Variants in LRP5 observed in about 807,000 individuals in gnomAD.
The protein encoded by LRP5 is LDL receptor related protein 5, also known as low-density lipoprotein receptor-related protein 5.
Under a neutral mutation model 154.1 loss-of-function variants are expected in LRP5, and 62 were observed. The observed-to-expected ratio is 0.40, with a 90% CI of 0.33 to 0.50. LRP5 has a LOEUF of 0.50. Among genes scored for constraint, LRP5 ranks in the 20% least tolerant of loss-of-function variants. The pLI, the probability that LRP5 is intolerant of heterozygous loss-of-function variation, is 0.55. For synonymous variants in LRP5, 966 were observed against 1,011.5 expected (o/e 0.96, Z 0.85); for missense variants, 1,915 against 2,336.7 (o/e 0.82, Z 3.72).
intron 16 of LRP5, among the ~76,000 whole-genome samples, chr11:68,426,799 T>C (rs1458662601): frequency 1.3e-5 from 2 of 152,168 alleles, no homozygotes; most frequent in African/African-American, 4.8e-5. Context: ...CTGCTCAGGG[T>C]CTCACGGGGC....
chr11:68,339,544 C>T (rs1242927840), intron 1 of LRP5, among the ~76,000 whole-genome samples: 1 of 152,058 alleles, frequency 6.6e-6, no homozygotes, highest in Non-Finnish European at 1.5e-5. Context: ...GATGGGGTTT[C>T]ACCGTGTTGG....
chr11:68,363,701 G>A (rs767440949), intron 3 of LRP5, 46 bp from the exon 4 acceptor site: 10 of 1,501,492 alleles, frequency 6.7e-6, no homozygotes, highest in East Asian at 4.6e-5. Context: ...AATGACTGTC[G>A]GGGGACCCTC....
Position 68,347,898 on chromosome 11 carries a change from C to G in LRP5, c.143C>G (p.Ala48Gly), listed in dbSNP as rs2098614549. 9 of 1,613,152 alleles carry G rather than the reference C, an allele frequency of 5.6e-6. No individual in the cohort carries two copies. Among genetic ancestry groups the G allele is most frequent in the Non-Finnish European group, 7.6e-6 (9 of 1,180,048 alleles). ...CGCCGGGACGTACGGCTGGTGGACGCCGGCGGAGTCAAGCTGGAGTCCACC... is the reference window on the plus strand; with the variant it reads ...CGCCGGGACGTACGGCTGGTGGACGGCGGCGGAGTCAAGCTGGAGTCCACC... Reference protein sequence around the residue: ...ANRRDVRLVDAGGVKLESTIV... With the variant: ...ANRRDVRLVDGGGVKLESTIV... Residue 48 changes from alanine (A) to glycine (G), a missense_variant, in exon 2 of 23, where the codon GCC (alanine) becomes GGC (glycine). Around this residue, in one of 3 missense-constraint regions of LRP5, gnomAD observed 773 missense variants for 1,100.9 expected, o/e 0.70. Transcript: ENST00000294304.
upstream of LRP5, among the ~76,000 whole-genome samples, chr11:68,312,377 C>A (rs2098588621): frequency 6.6e-6 from 1 of 151,510 alleles, no homozygotes; most frequent in African/African-American, 2.4e-5. Flanking sequence ...GGGCGGAAAC[C>A]CCGCGCCAAG....
chr11:68,318,417 G>A (rs2098594728), intron 1 of LRP5, among the ~76,000 whole-genome samples: 1 of 149,632 alleles, frequency 6.7e-6, no homozygotes, highest in African/African-American at 2.5e-5. Flanking sequence ...ACCGCTTACT[G>A]CAGCCTCTAC....
At chr11:68,377,502 A>G (rs2098638022) in intron 5 of LRP5, among the ~76,000 whole-genome samples, 1 of 152,146 alleles carries the variant, frequency 6.6e-6, no homozygotes, top group Non-Finnish European at 1.5e-5. Context: ...TTGTGACCCT[A>G]TGGTCACTTG....
At chr11:68,320,180 AGCATACATACAT>A (rs2098595942) in intron 1 of LRP5, among the ~76,000 whole-genome samples, 1 of 152,138 alleles carries the variant, frequency 6.6e-6, no homozygotes. Context: ...CATACATACA[AGCATACATACAT>A]ACATAACTCC....
At chr11:68,397,948 T>G (rs1411156889) in intron 7 of LRP5, among the ~76,000 whole-genome samples, 1 of 114,642 alleles carries the variant, frequency 8.7e-6, no homozygotes, top group East Asian at 2.5e-4. Flanking sequence ...TCCCTGGGCT[T>G]TGGCACTGCA....
intron 21 of LRP5, among the ~76,000 whole-genome samples, chr11:68,444,100 G>A (rs1018699947): frequency 5.3e-5 from 8 of 152,130 alleles, no homozygotes; most frequent in African/African-American, 1.2e-4. Context: ...TGAATTAGTC[G>A]GGGTCTATCA....
At chr11:68,344,278 C>A (rs1395062500) in intron 1 of LRP5, among the ~76,000 whole-genome samples, 1 of 152,128 alleles carries the variant, frequency 6.6e-6, no homozygotes, top group East Asian at 1.9e-4. Context: ...ATGTCCAGTT[C>A]CGCTGCAGTT....
chr11:68,342,020 C>T (rs1352343738), intron 1 of LRP5, among the ~76,000 whole-genome samples: 5 of 151,896 alleles, frequency 3.3e-5, no homozygotes, highest in Non-Finnish European at 7.4e-5. Flanking sequence ...GCTGCGTCTC[C>T]TCCTTAGTGT....
At chr11:68,448,745 C>A in intron 22 of LRP5, 64 bp from the exon 23 acceptor site, 2 of 1,587,754 alleles carry the variant, frequency 1.3e-6, no homozygotes, top group South Asian at 2.2e-5. Context: ...AGCCCCGGGG[C>A]TGCTGTGCCC....
At chr11:68,309,928 G>C (rs1369903563), upstream of LRP5, among the ~76,000 whole-genome samples, 1 of 152,184 alleles carries the variant, frequency 6.6e-6, no homozygotes, top group Non-Finnish European at 1.5e-5. Context: ...TATAAATGTA[G>C]ATCAGATCCT....
chr11:68,301,880 G>A, the LRP5 span, among the ~76,000 whole-genome samples: 31 of 151,836 alleles, frequency 2.0e-4, no homozygotes, highest in African/African-American at 6.3e-4. Context: ...CGCCTGCCTC[G>A]GCCTCCCAAA....
chr11:68,429,895 C>T (rs779794213), intron 17 of LRP5, among the ~76,000 whole-genome samples, 195 bp downstream of exon 17: 7 of 152,200 alleles, frequency 4.6e-5, no homozygotes, highest in African/African-American at 1.4e-4. Context: ...CTAAGTACTG[C>T]GTTTCCTGCA....
intron 1 of LRP5, among the ~76,000 whole-genome samples, chr11:68,343,736 C>G (rs926821456): frequency 6.6e-6 from 1 of 152,158 alleles, no homozygotes; most frequent in South Asian, 2.1e-4. Flanking sequence ...CCCCTCCTGC[C>G]CTCAGGCCTC....
At chr11:68,441,181 C>G (rs1158397531) in intron 21 of LRP5, among the ~76,000 whole-genome samples, 1 of 152,158 alleles carries the variant, frequency 6.6e-6, no homozygotes, top group Non-Finnish European at 1.5e-5. Context: ...TAGGCTCAAG[C>G]AATCCTCCCA....
intron 1 of LRP5, among the ~76,000 whole-genome samples, chr11:68,324,888 G>T (rs2098598768): frequency 1.3e-5 from 2 of 152,204 alleles, no homozygotes; most frequent in South Asian, 2.1e-4. Context: ...ATCCAGGCAG[G>T]TCTGGCACGC....
Position 68,447,481 on chromosome 11 carries a change from C to T in LRP5, c.4586+948C>T, listed in dbSNP as rs1023417487. Among the ~76,000 whole-genome samples, 1 of 152,214 alleles carries T rather than the reference C, an allele frequency of 6.6e-6. No homozygotes were observed. The highest frequency in any genetic ancestry group is 1.5e-5 in the Non-Finnish European group (1 of 68,046). On this transcript the variant is annotated intron_variant, in intron 22 of 22. Transcript: ENST00000294304. The surrounding 1 kb of genome is among the most constrained non-coding windows in gnomAD (Gnocchi z 4.3). ...TTCCACCCCACTCCGGGTCGGGCCA[C>T]CTCCCTGATGCCTCAGTATTATATC...
Sources: allele counts gnomAD v4.1 joint callset (sites outside exome capture counted in the v4.1 genomes callset), GRCh38; gene constraint gnomAD v4.1.1; regional missense constraint gnomAD v4.1.1; non-coding constraint Gnocchi (gnomAD v3.1); transcripts MANE v1.5; gene names NCBI Gene and HGNC (gene_info 2026-07-23, HGNC 2026-07-21).